BANK1: variants seen among roughly 807,000 people sequenced by gnomAD.
BANK1 encodes the protein B-cell scaffold protein with ankyrin repeats.
Under a neutral mutation model 94.5 loss-of-function variants are expected in BANK1, and 95 were observed. The ratio of observed to expected loss-of-function variants is 1.00; its 90% CI spans 0.85 to 1.19. The LOEUF (loss-of-function observed/expected upper bound fraction) is 1.19. BANK1 is among the 50% of genes most tolerant of loss of function. BANK1 has a pLI of 0.00. For missense variants in BANK1, 987 were observed against 932.2 expected (o/e 1.06, Z -0.77); for synonymous variants, 334 against 308.4 (o/e 1.08, Z -0.87).
intron 7 of BANK1, among the ~76,000 whole-genome samples, chr4:101,920,900 G>T (rs1424505035): frequency 6.6e-6 from 1 of 151,802 alleles, no homozygotes; most frequent in Non-Finnish European, 1.5e-5. Context: ...GTGGCACCAT[G>T]TCTTATTGTT....
intron 5 of BANK1, among the ~76,000 whole-genome samples, chr4:101,893,569 A>G (rs546010037): frequency 6.6e-6 from 1 of 152,172 alleles, no homozygotes; most frequent in East Asian, 1.9e-4. Flanking sequence ...TTGTATCACT[A>G]AAACACTTTT....
At chr4:101,979,987 G>A (rs944014420) in intron 7 of BANK1, among the ~76,000 whole-genome samples, 1 of 151,744 alleles carries the variant, frequency 6.6e-6, no homozygotes, top group East Asian at 1.9e-4. Flanking sequence ...CAATTTTGTG[G>A]TTGTTTTGTT....
chr4:101,926,182 A>G lies in BANK1; in HGVS notation c.1206+7993A>G, dbSNP rs183477048. On this transcript the variant is annotated intron_variant, in intron 7 of 16. Transcript: ENST00000322953. ...ATGAAATGGTTTTTACTTTAAATTCATGTAAAGGCCTCTCCAGGCATATGA... is the reference window on the plus strand; with the variant it reads ...ATGAAATGGTTTTTACTTTAAATTCGTGTAAAGGCCTCTCCAGGCATATGA... Among the ~76,000 whole-genome samples, 890 of 151,786 alleles carry G rather than the reference A, an allele frequency of 5.9e-3. 9 individuals carry two copies. The highest frequency in any genetic ancestry group is 0.02 in the African/African-American group (826 of 41,472).
At chr4:101,988,087 G>A (rs1725576894) in intron 7 of BANK1, among the ~76,000 whole-genome samples, 1 of 152,174 alleles carries the variant, frequency 6.6e-6, no homozygotes, top group Non-Finnish European at 1.5e-5. Flanking sequence ...TTAAGCCCCT[G>A]AGATGTTTGT....
intron 7 of BANK1, chr4:101,972,648 G>A (rs2148923728): frequency 6.6e-6 from 1 of 152,072 alleles, no homozygotes; most frequent in African/African-American, 2.4e-5. Context: ...TAGTATTCCT[G>A]CCCGATCTCT....
intron 1 of BANK1, among the ~76,000 whole-genome samples, chr4:101,816,557 C>CT (rs34692783): frequency 0.36 from 49,277 of 138,502 alleles, 9,268 homozygotes; most frequent in African/African-American, 0.52. Flanking sequence ...TGCCATGCTT[C>CT]TTTTTTTTTT....
At chr4:101,996,915 C>CT (rs1725898866) in intron 7 of BANK1, among the ~76,000 whole-genome samples, 1 of 152,050 alleles carries the variant, frequency 6.6e-6, no homozygotes, top group South Asian at 2.1e-4. Flanking sequence ...TTTGAATACC[C>CT]TTTTTTTCTT....
chr4:102,060,081 C>A, intron 11 of BANK1, 130 bp from the exon 12 acceptor site: 2 of 785,986 alleles, frequency 2.5e-6, no homozygotes, highest in Non-Finnish European at 3.8e-6. Context: ...TAAAAGTGTG[C>A]TGGTTTATTC....
intron 6 of BANK1, among the ~76,000 whole-genome samples, chr4:101,901,295 T>C (rs188695078): frequency 6.3e-4 from 96 of 152,236 alleles, no homozygotes; most frequent in Middle Eastern, 6.8e-3. Context: ...CCACAAAATA[T>C]CTAAAAACAG....
chr4:101,972,322 A>G (rs931072038), intron 7 of BANK1: 2 of 152,014 alleles, frequency 1.3e-5, no homozygotes, highest in African/African-American at 4.8e-5. Flanking sequence ...TGGATAGTTT[A>G]TTCTATAAAT....
At chr4:102,037,250 C>A (rs538553504) in intron 10 of BANK1, among the ~76,000 whole-genome samples, 34 of 152,350 alleles carry the variant, frequency 2.2e-4, no homozygotes, top group African/African-American at 7.9e-4. Flanking sequence ...AAATGTCTTA[C>A]ATGCACTGGA....
chr4:101,919,554 C>A (rs1395447640), intron 7 of BANK1, among the ~76,000 whole-genome samples: 4 of 151,958 alleles, frequency 2.6e-5, no homozygotes, highest in Non-Finnish European at 5.9e-5. Flanking sequence ...TCTGCTCCTG[C>A]AATAACAGCA....
At position 101,862,627 on chromosome 4, in the gene BANK1, C is replaced by T; in HGVS notation, c.726C>T (p.Ala242=). 6.2e-7 allele frequency: 1 copy of T among 1,608,816 alleles called. No individual in the cohort carries two copies. Among genetic ancestry groups the T allele is most frequent in the East Asian group, 2.2e-5 (1 of 44,496 alleles). Residue 242 remains alanine, a synonymous_variant, in exon 4 of 17, where the codon GCC becomes GCT. Coordinates refer to ENST00000322953, the MANE Select transcript of BANK1 (RefSeq NM_017935.5). The part of the protein sequence containing the change: ...SSNKRIRTRP[A]LWNKKVWCMK... ...ATAAGCGCATTAGAACACGGCCAGC[C>T]CTTTGGAATAAGAAAGTCTGGTGCA... is the stretch of plus-strand genomic sequence containing the variant.
chr4:101,856,120 C>A (rs1727671209), intron 3 of BANK1, among the ~76,000 whole-genome samples: 2 of 152,194 alleles, frequency 1.3e-5, no homozygotes, highest in South Asian at 4.2e-4. Flanking sequence ...GGGTGGGTCT[C>A]CTGATCCTAC....
At chr4:101,853,491 C>T (rs1241081790) in intron 2 of BANK1, among the ~76,000 whole-genome samples, 1 of 151,832 alleles carries the variant, frequency 6.6e-6, no homozygotes, top group Non-Finnish European at 1.5e-5. Context: ...GATTTTTTTT[C>T]TTGTTGCAAT....
At chr4:101,868,814 T>C (rs35196340) in intron 4 of BANK1, among the ~76,000 whole-genome samples, 119 of 151,984 alleles carry the variant, frequency 7.8e-4, no homozygotes, top group Non-Finnish European at 1.4e-3. Context: ...TCCAACCAGA[T>C]GAATCTATAA....
At position 101,895,394 on chromosome 4, in the gene BANK1, T is replaced by C. The variant is rs760864203; in HGVS notation, c.993T>C (p.Ile331=). 1 of 1,581,402 alleles carries C rather than the reference T, an allele frequency of 6.3e-7. No individual in the cohort carries two copies. The highest frequency in any genetic ancestry group is 8.6e-7 in the Non-Finnish European group (1 of 1,157,430). The change falls in exon 6 of 17, where the codon ATT becomes ATC. Residue 331 remains isoleucine (I), a synonymous_variant. Coordinates refer to ENST00000322953, the MANE Select transcript of BANK1 (RefSeq NM_017935.5). ...AGTTCCAGTCTCTTCAAACTGAAATTTGTTCTCAAAACAAATGTGAGTATT... is the reference window on the plus strand; with the variant it reads ...AGTTCCAGTCTCTTCAAACTGAAATCTGTTCTCAAAACAAATGTGAGTATT... ...YYEFQSLQTE[I]CSQNKYTHFK...
chr4:101,936,552 A>ACATATATG (rs1364742977), intron 7 of BANK1, among the ~76,000 whole-genome samples: 1 of 150,772 alleles, frequency 6.6e-6, no homozygotes, highest in African/African-American at 2.4e-5. Context: ...ATACACGTAT[A>ACATATATG]CATATATGTA....
chr4:101,942,155 T>C (rs929369499), intron 7 of BANK1, among the ~76,000 whole-genome samples: 1 of 151,886 alleles, frequency 6.6e-6, no homozygotes, highest in Admixed American at 6.6e-5. Context: ...GCATTTTGCA[T>C]TTTTCTGCTA....
Sources: allele counts gnomAD v4.1 joint callset (sites outside exome capture counted in the v4.1 genomes callset), GRCh38; gene constraint gnomAD v4.1.1; transcripts MANE v1.5; gene names NCBI Gene and HGNC (gene_info 2026-07-23, HGNC 2026-07-21).